LARGE1: variants seen among roughly 807,000 people sequenced by gnomAD.
The protein encoded by LARGE1 is LARGE xylosyl- and glucuronyltransferase 1, also known as xylosyl- and glucuronyltransferase LARGE1.
LARGE1 carries 43 observed loss-of-function variants against 87.6 expected under a neutral mutation model. That is an observed-to-expected ratio of 0.49 (90% CI 0.38 to 0.63). The LOEUF is 0.63. Ranked by LOEUF, LARGE1 falls within the 30% of genes least tolerant of loss-of-function variation. The pLI, the probability that LARGE1 is intolerant of heterozygous loss-of-function variation, is 0.00. For synonymous variants in LARGE1, 434 were observed against 394.6 expected (o/e 1.10, Z -1.18); for missense variants, 802 against 1,000.2 (o/e 0.80, Z 2.67).
chr22:33,447,005 T>C (rs2067710946), intron 6 of LARGE1, among the ~76,000 whole-genome samples: 2 of 152,246 alleles, frequency 1.3e-5, no homozygotes, highest in Admixed American at 1.3e-4. Flanking sequence ...GTGATTCTCC[T>C]GCCTCAGCCT....
intron 2 of LARGE1, among the ~76,000 whole-genome samples, chr22:33,673,981 G>A (rs762483215): frequency 3.4e-4 from 50 of 147,510 alleles, no homozygotes; most frequent in Non-Finnish European, 5.4e-4. Flanking sequence ...TGTGTGTTGT[G>A]TATTTTTAGT....
intron 1 of LARGE1, among the ~76,000 whole-genome samples, chr22:33,784,585 C>T (rs74468850): frequency 0.026 from 3,957 of 152,080 alleles, 167 homozygotes; most frequent in African/African-American, 0.089. Flanking sequence ...TTAGGTGCTC[C>T]GGTGCAAGAT....
chr22:33,324,261 C>CAAAA (rs150205490), intron 10 of LARGE1, among the ~76,000 whole-genome samples: 3 of 94,676 alleles, frequency 3.2e-5, no homozygotes, highest in Admixed American at 1.8e-4. Flanking sequence ...AAAAAAAAGC[C>CAAAA]AAAAAAACAA....
chr22:33,141,013 C>T, the LARGE1 span, among the ~76,000 whole-genome samples: 1 of 152,060 alleles, frequency 6.6e-6, no homozygotes, highest in African/African-American at 2.4e-5. Flanking sequence ...ATATTTTTAA[C>T]AATTATGGTT....
chr22:33,679,011 A>G (rs1442317689), intron 2 of LARGE1, among the ~76,000 whole-genome samples: 1 of 152,190 alleles, frequency 6.6e-6, no homozygotes, highest in Admixed American at 6.5e-5. Context: ...GATCCCTTCA[A>G]TTCAGCAGGT....
At position 33,385,247 on chromosome 22, in the gene LARGE1, AAAC is replaced by A. The variant is rs141533729; in HGVS notation, c.893-946_893-944del. On this transcript the variant is annotated intron_variant, in intron 7 of 14. Transcript: ENST00000397394. ...TCCTTTTGTGTTTTTTAAAACGCTA[AAAC>A]AACAGCCGGGTGTGGTGGTGGTTCA... Among the ~76,000 whole-genome samples, 563 of 148,692 alleles carry A rather than the reference AAAC, an allele frequency of 3.8e-3. 20 individuals are homozygous for A. The highest frequency in any genetic ancestry group is 0.013 in the African/African-American group (545 of 40,984).
At chr22:33,887,863 C>G (rs1376005896) in intron 1 of LARGE1, among the ~76,000 whole-genome samples, 3 of 152,210 alleles carry the variant, frequency 2.0e-5, no homozygotes, top group African/African-American at 7.2e-5. Context: ...AACAAACTTA[C>G]AAGGTTTACC....
the LARGE1 span, among the ~76,000 whole-genome samples, chr22:33,073,159 A>C: frequency 6.6e-6 from 1 of 152,196 alleles, no homozygotes; most frequent in Non-Finnish European, 1.5e-5. Context: ...ATTTCTGTTC[A>C]GGAAAAGACA....
intron 1 of LARGE1, among the ~76,000 whole-genome samples, chr22:33,803,172 T>G (rs2086214241): frequency 6.6e-6 from 1 of 152,200 alleles, no homozygotes; most frequent in African/African-American, 2.4e-5. Flanking sequence ...AAAGCTACTA[T>G]TACATTATGG....
the LARGE1 span, among the ~76,000 whole-genome samples, chr22:33,104,933 TTCTTTCTTTCTTTCTCTTTCTC>T: frequency 1.7e-5 from 2 of 119,410 alleles, no homozygotes; most frequent in Non-Finnish European, 1.8e-5. Flanking sequence ...CTTTCTTTCT[TTCTTTCTTTCTTTCTCTTTCTC>T]TCTTTCTCTC....
At chr22:33,425,920 G>C (rs1362699724) in intron 7 of LARGE1, among the ~76,000 whole-genome samples, 1 of 152,040 alleles carries the variant, frequency 6.6e-6, no homozygotes, top group East Asian at 1.9e-4. Context: ...TATTTATTTT[G>C]TATTTTTAGT....
chr22:33,851,213 T>G (rs1384224681), intron 1 of LARGE1, among the ~76,000 whole-genome samples: 1 of 152,230 alleles, frequency 6.6e-6, no homozygotes, highest in African/African-American at 2.4e-5. Flanking sequence ...ACAATTGGAC[T>G]TGTTAACAGC....
intron 1 of LARGE1, among the ~76,000 whole-genome samples, chr22:33,850,674 A>G (rs2063559071): frequency 6.6e-6 from 1 of 152,168 alleles, no homozygotes; most frequent in African/African-American, 2.4e-5. Flanking sequence ...CTTATTTGGA[A>G]GGATAATCTG....
chr22:33,855,222 T>C (rs906330448), intron 1 of LARGE1, among the ~76,000 whole-genome samples: 1 of 152,082 alleles, frequency 6.6e-6, no homozygotes, highest in African/African-American at 2.4e-5. Flanking sequence ...TAGTTCCAGC[T>C]ACTCGGGAGG....
intron 6 of LARGE1, among the ~76,000 whole-genome samples, chr22:33,524,201 G>T (rs1465863538): frequency 6.6e-6 from 1 of 150,894 alleles, no homozygotes; most frequent in Non-Finnish European, 1.5e-5. Context: ...TGAGGCAGGA[G>T]AACTGCTTGA....
chr22:33,646,135 C>T (rs916862489), intron 3 of LARGE1, among the ~76,000 whole-genome samples: 3 of 152,148 alleles, frequency 2.0e-5, no homozygotes, highest in African/African-American at 4.8e-5. Flanking sequence ...GACACACACA[C>T]GTATGTTAAC....
At chr22:33,451,661 C>T (rs565040279) in intron 6 of LARGE1, among the ~76,000 whole-genome samples, 15 of 151,722 alleles carry the variant, frequency 9.9e-5, no homozygotes, top group African/African-American at 2.2e-4. Context: ...CAGGTTCAAG[C>T]GATTTTCCTG....
At chr22:33,791,612 A>G (rs924731795) in intron 1 of LARGE1, among the ~76,000 whole-genome samples, 1 of 152,198 alleles carries the variant, frequency 6.6e-6, no homozygotes, top group Non-Finnish European at 1.5e-5. Flanking sequence ...CACTGCTAAC[A>G]ATGCCTTATC....
chr22:33,090,222 A>C, the LARGE1 span, among the ~76,000 whole-genome samples: 15 of 152,310 alleles, frequency 9.8e-5, no homozygotes, highest in East Asian at 1.3e-3. Flanking sequence ...AACTAACTAA[A>C]TAAATAATAA....
Sources: allele counts gnomAD v4.1 joint callset (sites outside exome capture counted in the v4.1 genomes callset), GRCh38; gene constraint gnomAD v4.1.1; transcripts MANE v1.5; gene names NCBI Gene and HGNC (gene_info 2026-07-23, HGNC 2026-07-21).